Variants in SLC9A7 observed in about 807,000 individuals in gnomAD.
SLC9A7 encodes the protein solute carrier family 9 member A7, also known as sodium/hydrogen exchanger 7.
SLC9A7 carries 19 observed loss-of-function variants against 52.6 expected under a neutral mutation model. The observed-to-expected ratio is 0.36, with a 90% CI of 0.25 to 0.53. The LOEUF (loss-of-function observed/expected upper bound fraction) is 0.53. SLC9A7 is among the 20% of genes least tolerant of loss of function. The pLI, the probability that SLC9A7 is intolerant of heterozygous loss-of-function variation, is 0.91. For synonymous variants in SLC9A7, 226 were observed against 252.1 expected (o/e 0.90, Z 0.98); for missense variants, 455 against 597.9 (o/e 0.76, Z 2.49).
At chrX:46,709,550 T>C (rs1318002026) in intron 1 of SLC9A7, among the ~76,000 whole-genome samples, 4 of 111,581 alleles carry the variant, frequency 3.6e-5, no homozygotes, top group African/African-American at 1.3e-4. Flanking sequence ...AACAAATGCC[T>C]ACACCCATTA....
At chrX:46,683,010 T>A (rs2146872840) in intron 1 of SLC9A7, among the ~76,000 whole-genome samples, 1 of 94,909 alleles carries the variant, frequency 1.1e-5, no homozygotes, top group South Asian at 5.9e-4. Flanking sequence ...AAGGTTTCAC[T>A]ATGTTGGCCA....
chrX:46,630,050 T>C (rs1943197499), intron 14 of SLC9A7, among the ~76,000 whole-genome samples: 1 of 111,815 alleles, frequency 8.9e-6, no homozygotes, highest in Admixed American at 9.5e-5. Context: ...ATGAAGCTTA[T>C]TGAAAACTCT....
rs151003921 is a variant in SLC9A7 at position 46,670,649 on chromosome X, G to A, written c.681-930C>T. Reference sequence around the variant, plus strand: ...ATTCTTGATGCCATTGCCCACCTTTGTGTCTCAAATGCTTAGAAGGGTGGA... The same window carrying A: ...ATTCTTGATGCCATTGCCCACCTTTATGTCTCAAATGCTTAGAAGGGTGGA... On this transcript the variant is annotated intron_variant, in intron 4 of 16. Transcript: ENST00000616978. Among the ~76,000 whole-genome samples the A allele has an allele frequency of 2.5e-4, 28 of 111,588 alleles. No individual in the cohort carries two copies. In the East Asian group the frequency reaches 7.6e-3, roughly 30 times the overall value.
intron 11 of SLC9A7, among the ~76,000 whole-genome samples, chrX:46,644,874 G>C (rs1943464452): frequency 1.8e-5 from 2 of 111,803 alleles, no homozygotes; most frequent in Non-Finnish European, 3.8e-5. Flanking sequence ...AAACAAAGTT[G>C]ATGTTTTCTA....
At chrX:46,620,705 T>C (rs1050958541) in intron 15 of SLC9A7, among the ~76,000 whole-genome samples, 5 of 112,067 alleles carry the variant, frequency 4.5e-5, no homozygotes, top group African/African-American at 1.6e-4. Context: ...AAAGGCATAG[T>C]TCCCTGGACA....
Position 46,676,621 on chromosome X carries a change from A to C in SLC9A7, c.603+3057T>G, listed in dbSNP as rs767566852. Among the ~76,000 whole-genome samples the C allele has an allele frequency of 4.5e-5, 5 of 112,250 alleles. No homozygotes were observed. In the South Asian group the frequency reaches 1.8e-3, roughly 41 times the overall value. On this transcript the variant is annotated intron_variant, in intron 3 of 16. Coordinates refer to ENST00000616978, the MANE Select transcript of SLC9A7 (RefSeq NM_001257291.2). ...TTAAAACAACTATAACTGATTATACATTAAGATTAGTTATGTAAAATATCA... is the reference window on the plus strand; with the variant it reads ...TTAAAACAACTATAACTGATTATACCTTAAGATTAGTTATGTAAAATATCA...
intron 1 of SLC9A7, among the ~76,000 whole-genome samples, chrX:46,710,368 G>A (rs1305692949): frequency 8.9e-6 from 1 of 112,213 alleles, no homozygotes; most frequent in Admixed American, 9.5e-5. Flanking sequence ...CTGGAATAGG[G>A]AAGTGGACAG....
chrX:46,611,389 C>G (rs774494048), intron 16 of SLC9A7, among the ~76,000 whole-genome samples: 2 of 112,504 alleles, frequency 1.8e-5, no homozygotes, highest in Admixed American at 1.9e-4. Flanking sequence ...GTGTTCTCAC[C>G]ATCCTACATA....
chrX:46,671,607 G>C (rs1382369405), intron 4 of SLC9A7, among the ~76,000 whole-genome samples: 1 of 111,771 alleles, frequency 8.9e-6, no homozygotes, highest in Non-Finnish European at 1.9e-5. Context: ...CAGATTTAAG[G>C]AGTACTGCTC....
At chrX:46,625,793 A>T (rs1943118967) in intron 14 of SLC9A7, among the ~76,000 whole-genome samples, 2 of 110,602 alleles carry the variant, frequency 1.8e-5, no homozygotes, top group Non-Finnish European at 3.8e-5. Context: ...GGCGGGAGAG[A>T]TTCAGAGCTT....
rs764103078 is a variant in SLC9A7 at position 46,662,110 on chromosome X, T to G, written c.947A>C (p.Asp316Ala). 1.7e-5 allele frequency: 20 copies of G among 1,208,200 alleles called. No homozygotes were observed. The highest frequency in any genetic ancestry group is 2.0e-5 in the Non-Finnish European group (18 of 894,001). The change falls in exon 7 of 17, where the codon GAT (aspartate) becomes GCT (alanine). Residue 316 changes from aspartate to alanine, a missense_variant. By Grantham distance (126) the Asp-to-Ala change is moderately radical. Transcript: ENST00000616978. ...AACTGACTTAAAAAAGGCAGCAGCA[T>G]CAAAGGCGTGAGTGTTCAGTCCCGC... ...QPAGLNTHAF[D>A]AAAFFKSVGI...
At chrX:46,631,842 A>G (rs1241211347) in intron 13 of SLC9A7, among the ~76,000 whole-genome samples, 193 bp from the exon 14 acceptor site, 2 of 111,656 alleles carry the variant, frequency 1.8e-5, no homozygotes, top group Non-Finnish European at 3.8e-5. Flanking sequence ...CAGATCCCAG[A>G]GGGTCAGAGG....
At chrX:46,633,377 A>C (rs903449961) in intron 13 of SLC9A7, among the ~76,000 whole-genome samples, 8 of 98,586 alleles carry the variant, frequency 8.1e-5, no homozygotes, top group African/African-American at 2.3e-4. Flanking sequence ...AAAAAAAAAA[A>C]AAAACAGATC....
At chrX:46,651,879 A>T (rs185857485) in intron 8 of SLC9A7, among the ~76,000 whole-genome samples, 15 of 108,917 alleles carry the variant, frequency 1.4e-4, no homozygotes, top group Non-Finnish European at 2.1e-4. Context: ...AAAGTTTCCT[A>T]TTACTACTGA....
intron 1 of SLC9A7, among the ~76,000 whole-genome samples, chrX:46,700,322 T>C (rs1944511959): frequency 8.9e-6 from 1 of 112,080 alleles, no homozygotes; most frequent in African/African-American, 3.2e-5. Flanking sequence ...ATTGCTGTTT[T>C]GTCTATTTCT....
chrX:46,606,528 T>G lies in SLC9A7; in HGVS notation c.*424A>C. 1 of 767,357 alleles carries G rather than the reference T, an allele frequency of 1.3e-6. No homozygotes were observed. The highest frequency in any genetic ancestry group is 1.5e-6 in the Non-Finnish European group (1 of 648,073). The allele number at this position is 767,357 out of a possible 1,213,427, so 63.2% of individuals were successfully genotyped here. ...CTTGGAGTTCCGATCTCAATTGCCT[T>G]CCTTCTCTTTAACTTGATAATTCTA... On this transcript the variant is annotated 3_prime_UTR_variant, in exon 17 of 17. Coordinates refer to ENST00000616978, the MANE Select transcript of SLC9A7 (RefSeq NM_001257291.2).
chrX:46,665,313 A>G (rs958383364), intron 5 of SLC9A7, among the ~76,000 whole-genome samples: 15 of 111,259 alleles, frequency 1.3e-4, no homozygotes, highest in Non-Finnish European at 2.5e-4. Context: ...GGAAAAACTC[A>G]AGGACCTAAA....
chrX:46,715,690 G>A (rs913273207), intron 1 of SLC9A7, among the ~76,000 whole-genome samples: 5 of 111,606 alleles, frequency 4.5e-5, no homozygotes, highest in East Asian at 2.8e-4. Context: ...GTGCAAAAGC[G>A]ATACACATTC....
At chrX:46,716,288 T>G (rs1290016436) in intron 1 of SLC9A7, among the ~76,000 whole-genome samples, 1 of 111,911 alleles carries the variant, frequency 8.9e-6, no homozygotes, top group Non-Finnish European at 1.9e-5. Context: ...TTGGTAAAGA[T>G]ATGCTTATTT....
Sources: allele counts gnomAD v4.1 joint callset (sites outside exome capture counted in the v4.1 genomes callset), GRCh38; gene constraint gnomAD v4.1.1; transcripts MANE v1.5; gene names NCBI Gene and HGNC (gene_info 2026-07-23, HGNC 2026-07-21).